Variants in CEP70 observed in about 807,000 individuals in gnomAD.
CEP70 encodes the protein centrosomal protein of 70 kDa.
In CEP70, 70 loss-of-function variants were observed where a neutral mutation model predicts 90.9. The ratio of observed to expected loss-of-function variants is 0.77; its 90% CI spans 0.64 to 0.94. CEP70 has a LOEUF of 0.94. Among genes scored for constraint, CEP70 ranks in the 40% least tolerant of loss-of-function variants. The pLI, the probability that CEP70 is intolerant of heterozygous loss-of-function variation, is 0.00. For synonymous variants in CEP70, 220 were observed against 228.3 expected (o/e 0.96, Z 0.33); for missense variants, 648 against 669.0 (o/e 0.97, Z 0.35).
At chr3:138,525,305 C>A (rs6793787) in intron 11 of CEP70, among the ~76,000 whole-genome samples, 185 bp downstream of exon 11, 2 of 151,864 alleles carry the variant, frequency 1.3e-5, no homozygotes, top group East Asian at 3.9e-4. Context: ...AGGAGATATA[C>A]CTAATGTTAA....
At chr3:138,571,500 A>C in intron 3 of CEP70, 144 bp from the exon 4 acceptor site, 1 of 614,142 alleles carries the variant, frequency 1.6e-6, no homozygotes. Context: ...TAATATCCAA[A>C]AAACACATTT....
chr3:138,586,127 C>G (rs1257672898), intron 2 of CEP70, among the ~76,000 whole-genome samples: 3 of 152,106 alleles, frequency 2.0e-5, no homozygotes, highest in African/African-American at 7.2e-5. Flanking sequence ...AACTACCCAT[C>G]TGACGAGGGT....
intron 1 of CEP70, among the ~76,000 whole-genome samples, chr3:138,593,285 C>T (rs1018119692): frequency 1.3e-5 from 2 of 152,150 alleles, no homozygotes; most frequent in Non-Finnish European, 2.9e-5. Context: ...TGCAGTGGCG[C>T]GATCTCGGCT....
chr3:138,565,815 T>C (rs1358961423), intron 6 of CEP70, among the ~76,000 whole-genome samples: 2 of 152,120 alleles, frequency 1.3e-5, no homozygotes, highest in African/African-American at 4.8e-5. Context: ...AAAAGCCAAA[T>C]AGACAAGTGG....
At chr3:138,525,698 A>T (rs993767412) in intron 10 of CEP70, 134 bp from the exon 11 acceptor site, 12 of 369,986 alleles carry the variant, frequency 3.2e-5, no homozygotes, top group African/African-American at 2.5e-4. Context: ...ATATTTCATG[A>T]CTGCTAATTT....
At chr3:138,579,911 T>G (rs915547398) in intron 2 of CEP70, among the ~76,000 whole-genome samples, 3 of 151,978 alleles carry the variant, frequency 2.0e-5, no homozygotes, top group African/African-American at 7.3e-5. Context: ...TTAAGAAAGC[T>G]CTTGGGGTTC....
intron 6 of CEP70, among the ~76,000 whole-genome samples, chr3:138,556,883 C>T (rs2040049315): frequency 6.6e-6 from 1 of 152,176 alleles, no homozygotes; most frequent in Non-Finnish European, 1.5e-5. Context: ...ATTAAAATTG[C>T]TAATGAAGTT....
intron 16 of CEP70, among the ~76,000 whole-genome samples, chr3:138,499,712 G>A (rs767523178): frequency 4.6e-5 from 7 of 152,104 alleles, no homozygotes; most frequent in African/African-American, 7.2e-5. Flanking sequence ...CAAGGCAGGC[G>A]GATCACTTGA....
intron 6 of CEP70, among the ~76,000 whole-genome samples, chr3:138,563,865 C>A (rs1197728948): frequency 2.6e-5 from 4 of 151,826 alleles, no homozygotes; most frequent in African/African-American, 7.3e-5. Flanking sequence ...AATGAAGGAG[C>A]TAGAGACACA....
At chr3:138,535,475 C>A (rs1337208670) in intron 7 of CEP70, among the ~76,000 whole-genome samples, 2 of 152,194 alleles carry the variant, frequency 1.3e-5, no homozygotes, top group Non-Finnish European at 2.9e-5. Flanking sequence ...TCACTGAATG[C>A]AGGAATCATG....
At chr3:138,571,199 G>C in intron 4 of CEP70, 42 bp from the exon 5 acceptor site, 1 of 1,549,366 alleles carries the variant, frequency 6.5e-7, no homozygotes, top group Non-Finnish European at 8.7e-7. Flanking sequence ...AAAAATAAAA[G>C]GCAAAAAAAA....
chr3:138,496,637 A>G (rs2033975585), intron 17 of CEP70: 1 of 985,244 alleles, frequency 1.0e-6, no homozygotes. Context: ...TTTACTCACT[A>G]AAGGTACTCT....
At chr3:138,525,327 C>A (rs1052137970) in intron 11 of CEP70, among the ~76,000 whole-genome samples, 163 bp downstream of exon 11, 8 of 151,960 alleles carry the variant, frequency 5.3e-5, no homozygotes, top group African/African-American at 1.9e-4. Flanking sequence ...TGACGAGTTA[C>A]TGGGTGTAGC....
chr3:138,497,348 C>A (rs1452024883), intron 17 of CEP70: 5 of 1,213,232 alleles, frequency 4.1e-6, no homozygotes, highest in East Asian at 5.9e-5. Flanking sequence ...AAAAAAAAAT[C>A]TTTCAAATGA....
rs750701021 is a variant in CEP70, at chr3:138,500,450, G to T, written c.1486C>A (p.Leu496Ile). The change falls in exon 15 of 18, where the codon CTT becomes ATT. Residue 496 changes from leucine to isoleucine, a missense_variant. Transcript: ENST00000264982. The part of the protein sequence containing the change: ...YPRMNEVYTR[L>I]GEMNNAVRNL... ...CTCACAGCATTGTTCATTTCTCCAAGCCTAGTATAAACTTCATTCATTCGG... is the reference window on the plus strand; with the variant it reads ...CTCACAGCATTGTTCATTTCTCCAATCCTAGTATAAACTTCATTCATTCGG... 2 of 1,609,208 alleles carry T rather than the reference G, an allele frequency of 1.2e-6. No homozygotes were observed. The highest frequency in any genetic ancestry group is 2.2e-5 in the South Asian group (2 of 89,352).
chr3:138,562,222 C>A (rs1353088396), intron 6 of CEP70, among the ~76,000 whole-genome samples: 1 of 151,958 alleles, frequency 6.6e-6, no homozygotes, highest in South Asian at 2.1e-4. Flanking sequence ...ACCAAATCTA[C>A]GTTTGATTAT....
intron 11 of CEP70, among the ~76,000 whole-genome samples, chr3:138,522,681 T>A (rs145028619): frequency 6.6e-6 from 1 of 151,788 alleles, no homozygotes. Context: ...CAGGAAGAAG[T>A]TGAATCTCTG....
At chr3:138,559,827 A>T (rs2040271986) in intron 6 of CEP70, among the ~76,000 whole-genome samples, 1 of 152,248 alleles carries the variant, frequency 6.6e-6, no homozygotes, top group African/African-American at 2.4e-5. Context: ...TTGACAATTG[A>T]ATTCTCAGCA....
chr3:138,521,900 A>G (rs2036692215), intron 11 of CEP70, among the ~76,000 whole-genome samples: 1 of 152,236 alleles, frequency 6.6e-6, no homozygotes, highest in African/African-American at 2.4e-5. Flanking sequence ...TCTGTGTAGA[A>G]AGAAGTAGAC....
Sources: gnomAD v4.1 joint callset for allele counts (sites outside exome capture counted in the v4.1 genomes callset) on GRCh38, gnomAD v4.1.1 for gene constraint, MANE v1.5 for transcripts, NCBI Gene and HGNC (gene_info 2026-07-23, HGNC 2026-07-21) for gene names.